TMEM117: variants seen among roughly 807,000 people sequenced by gnomAD.
The protein encoded by TMEM117 is transmembrane protein 117.
A neutral mutation model predicts 52.4 loss-of-function variants in TMEM117; 27 were observed. The observed-to-expected ratio is 0.51, with a 90% CI of 0.38 to 0.71. The LOEUF (loss-of-function observed/expected upper bound fraction) is 0.71. Ranked by LOEUF, TMEM117 falls within the 30% of genes least tolerant of loss-of-function variation. TMEM117 has a pLI of 0.00. For synonymous variants in TMEM117, 215 were observed against 206.3 expected (o/e 1.04, Z -0.36); for missense variants, 556 against 630.5 (o/e 0.88, Z 1.26).
At chr12:44,093,336 C>T (rs1433726574) in intron 3 of TMEM117, among the ~76,000 whole-genome samples, 1 of 152,100 alleles carries the variant, frequency 6.6e-6, no homozygotes, top group Non-Finnish European at 1.5e-5. Context: ...CTGTTTTCAT[C>T]AATCCCAGTT....
the TMEM117 span, among the ~76,000 whole-genome samples, chr12:43,806,669 A>G: frequency 1.3e-5 from 2 of 152,166 alleles, no homozygotes; most frequent in Non-Finnish European, 2.9e-5. Context: ...TTTCCAGCTT[A>G]AAAAAGATGT....
At chr12:44,126,240 C>T (rs546299061) in intron 3 of TMEM117, among the ~76,000 whole-genome samples, 9 of 152,138 alleles carry the variant, frequency 5.9e-5, no homozygotes, top group Admixed American at 2.6e-4. Context: ...AATGCATGTA[C>T]ACAGATTTTT....
At chr12:43,806,019 G>A in the TMEM117 span, 1 of 1,522,616 alleles carries the variant, frequency 6.6e-7, no homozygotes, top group Non-Finnish European at 8.8e-7. Context: ...CGTGACGGCA[G>A]CAGGGACCGG....
intron 5 of TMEM117, chr12:44,264,018 T>A (rs1950349367): frequency 6.6e-6 from 1 of 152,238 alleles, no homozygotes; most frequent in Non-Finnish European, 1.5e-5. Context: ...TGCTTTAAAA[T>A]GTTGCTATGT....
chr12:44,219,445 A>G lies in TMEM117; in HGVS notation c.608+8058A>G, dbSNP rs73272279. On this transcript the variant is annotated intron_variant, in intron 5 of 7. Coordinates refer to ENST00000266534, the MANE Select transcript of TMEM117 (RefSeq NM_032256.3). ...GTAGTTTAACTTGATATAATTGTAT[A>G]TCATTTTCTCTCAATTATGGAGGTT... Among the ~76,000 whole-genome samples, 1,038 of 152,302 alleles carry G rather than the reference A, an allele frequency of 6.8e-3. 15 individuals are homozygous for G. The highest frequency in any genetic ancestry group is 0.024 in the African/African-American group (992 of 41,576).
chr12:43,978,365 A>C (rs1170793119), intron 3 of TMEM117, among the ~76,000 whole-genome samples: 1 of 152,194 alleles, frequency 6.6e-6, no homozygotes, highest in East Asian at 1.9e-4. Flanking sequence ...TTCTGCAATA[A>C]ATAGAGTAAG....
chr12:44,071,749 T>G (rs767292488), intron 3 of TMEM117, among the ~76,000 whole-genome samples: 3 of 152,176 alleles, frequency 2.0e-5, no homozygotes, highest in African/African-American at 7.2e-5. Flanking sequence ...ATTTCACAGA[T>G]AGGTAATATC....
the TMEM117 span, chr12:43,800,356 T>C: frequency 3.1e-3 from 2,940 of 954,856 alleles, 6 homozygotes; most frequent in Non-Finnish European, 4.3e-3. Context: ...TCTGAATTCG[T>C]ATCAATTACC....
intron 6 of TMEM117, among the ~76,000 whole-genome samples, chr12:44,354,898 A>G (rs1177292797): frequency 6.6e-6 from 1 of 152,120 alleles, no homozygotes; most frequent in Admixed American, 6.6e-5. Flanking sequence ...CATTAGTCAC[A>G]GGAAGAAATT....
intron 6 of TMEM117, 129 bp from the exon 7 acceptor site, chr12:44,376,466 T>C (rs1482934614): frequency 9.2e-7 from 1 of 1,085,772 alleles, no homozygotes. Context: ...AGAATGAAAC[T>C]GATATATCCA....
intron 2 of TMEM117, among the ~76,000 whole-genome samples, chr12:43,869,375 C>T (rs933355144): frequency 6.6e-6 from 1 of 152,116 alleles, no homozygotes; most frequent in Non-Finnish European, 1.5e-5. Context: ...GTTCTGAGCA[C>T]TTTATAAATA....
At chr12:44,074,464 AAAGTT>A (rs1467682008) in intron 3 of TMEM117, among the ~76,000 whole-genome samples, 3 of 152,194 alleles carry the variant, frequency 2.0e-5, no homozygotes, top group Admixed American at 2.0e-4. Flanking sequence ...TGCTATAAGA[AAAGTT>A]AAGGGATTAA....
chr12:44,090,075 C>T (rs750215678), intron 3 of TMEM117, among the ~76,000 whole-genome samples: 2 of 152,090 alleles, frequency 1.3e-5, no homozygotes, highest in Admixed American at 1.3e-4. Flanking sequence ...ATGAAGACAA[C>T]CATAGCATTT....
chr12:44,131,338 T>C (rs1260983349), intron 3 of TMEM117, among the ~76,000 whole-genome samples: 2 of 152,158 alleles, frequency 1.3e-5, no homozygotes, highest in Non-Finnish European at 1.5e-5. Context: ...AGTTATATTA[T>C]GGACAAAGAA....
intron 3 of TMEM117, among the ~76,000 whole-genome samples, chr12:44,006,321 C>A (rs1450215953): frequency 6.6e-6 from 1 of 152,176 alleles, no homozygotes; most frequent in Non-Finnish European, 1.5e-5. Context: ...TAGATCTGTC[C>A]TTGCATTCAG....
intron 5 of TMEM117, among the ~76,000 whole-genome samples, chr12:44,224,739 A>T (rs888485758): frequency 4.6e-5 from 7 of 152,126 alleles, no homozygotes; most frequent in African/African-American, 1.7e-4. Context: ...ATACCCTTTT[A>T]GTAAATAAAC....
intron 4 of TMEM117, among the ~76,000 whole-genome samples, chr12:44,150,568 G>A (rs1208886250): frequency 6.6e-6 from 1 of 152,132 alleles, no homozygotes; most frequent in Non-Finnish European, 1.5e-5. Context: ...GAAGCAAAGA[G>A]CATAAAAGGG....
At chr12:44,034,432 C>T in intron 3 of TMEM117, among the ~76,000 whole-genome samples, 1 of 152,222 alleles carries the variant, frequency 6.6e-6, no homozygotes, top group African/African-American at 2.4e-5. Flanking sequence ...TTGATATTAA[C>T]AGTATAAATA....
At chr12:43,801,016 T>A in the TMEM117 span, among the ~76,000 whole-genome samples, 1 of 152,144 alleles carries the variant, frequency 6.6e-6, no homozygotes, top group East Asian at 1.9e-4. Flanking sequence ...CTTCCCAAAG[T>A]TTAGGGATTA....
Sources: allele counts gnomAD v4.1 joint callset (sites outside exome capture counted in the v4.1 genomes callset), GRCh38; gene constraint gnomAD v4.1.1; transcripts MANE v1.5; gene names NCBI Gene and HGNC (gene_info 2026-07-23, HGNC 2026-07-21).